The following AR variants were observed in gnomAD, a reference collection of about 807,000 sequenced individuals.
AR encodes the protein dihydrotestosterone receptor.
A neutral mutation model predicts 53.9 loss-of-function variants in AR; 8 were observed. The ratio of observed to expected loss-of-function variants is 0.15; its 90% CI spans 0.09 to 0.27. The LOEUF is 0.27. Among genes scored for constraint, AR ranks in the 10% least tolerant of loss-of-function variants. The pLI is 1.00. For synonymous variants in AR, 359 were observed against 316.4 expected (o/e 1.13, Z -1.43); for missense variants, 639 against 742.5 (o/e 0.86, Z 1.62).
At chrX:67,603,620 G>A (rs761774598) in intron 1 of AR, among the ~76,000 whole-genome samples, 167 of 111,998 alleles carry the variant, frequency 1.5e-3, no homozygotes, top group Middle Eastern at 4.6e-3. Context: ...AAGTGTAGTA[G>A]GAAACAAGTT....
At chrX:67,626,524 T>C (rs1433080914) in intron 1 of AR, among the ~76,000 whole-genome samples, 1 of 86,151 alleles carries the variant, frequency 1.2e-5, no homozygotes, top group Non-Finnish European at 2.2e-5. Flanking sequence ...CACTGCAAGC[T>C]CCGCCTCCCA....
intron 2 of AR, among the ~76,000 whole-genome samples, chrX:67,648,447 G>A (rs1926159535): frequency 9.0e-6 from 1 of 111,645 alleles, no homozygotes; most frequent in African/African-American, 3.3e-5. Flanking sequence ...GAAAAACTGT[G>A]TGTCTCATAG....
intron 1 of AR, among the ~76,000 whole-genome samples, chrX:67,627,476 T>C (rs1294766750): frequency 9.0e-6 from 1 of 111,673 alleles, no homozygotes; most frequent in Non-Finnish European, 1.9e-5. Context: ...TTTGATGGGG[T>C]CGTTTGTTTT....
intron 1 of AR, among the ~76,000 whole-genome samples, chrX:67,563,498 T>TTAG (rs772378084): frequency 1.8e-5 from 2 of 111,388 alleles, no homozygotes; most frequent in Non-Finnish European, 1.9e-5. Context: ...CCTATTATTA[T>TTAG]TAGTAGTAGT....
At chrX:67,552,388 A>G (rs945768713) in intron 1 of AR, among the ~76,000 whole-genome samples, 6 of 112,505 alleles carry the variant, frequency 5.3e-5, no homozygotes, top group African/African-American at 1.9e-4. Context: ...GTTCCACTAT[A>G]TGGATATACC....
At chrX:67,703,389 A>T (rs1329494322) in intron 3 of AR, among the ~76,000 whole-genome samples, 1 of 112,009 alleles carries the variant, frequency 8.9e-6, no homozygotes, top group African/African-American at 3.2e-5. Flanking sequence ...AGGACCTCTA[A>T]ATTGTGTGTG....
chrX:67,657,357 A>G (rs762597926), intron 2 of AR, among the ~76,000 whole-genome samples: 2 of 110,421 alleles, frequency 1.8e-5, no homozygotes, highest in Admixed American at 9.7e-5. Flanking sequence ...CTTAAGTCCT[A>G]CCTTCCTTCA....
intron 1 of AR, among the ~76,000 whole-genome samples, chrX:67,562,234 G>C (rs2044599635): frequency 9.1e-6 from 1 of 110,158 alleles, no homozygotes; most frequent in Admixed American, 9.7e-5. Context: ...AAATTGTTGA[G>C]ATTACAGGCG....
At chrX:67,618,907 G>A (rs1924241912) in intron 1 of AR, among the ~76,000 whole-genome samples, 1 of 111,443 alleles carries the variant, frequency 9.0e-6, no homozygotes, top group Non-Finnish European at 1.9e-5. Context: ...ACATGGAAAA[G>A]ATTGTGAAGG....
At chrX:67,665,434 A>G (rs2147469491) in intron 2 of AR, among the ~76,000 whole-genome samples, 1 of 112,456 alleles carries the variant, frequency 8.9e-6, no homozygotes, top group South Asian at 3.7e-4. Context: ...AGTATAGAAA[A>G]TAAAAATAGG....
intron 2 of AR, among the ~76,000 whole-genome samples, chrX:67,663,833 C>G (rs1218734241): frequency 9.0e-6 from 1 of 111,719 alleles, no homozygotes; most frequent in Non-Finnish European, 1.9e-5. Flanking sequence ...TCTTTTTATT[C>G]TTTTTCCTCT....
At position 67,567,454 on chromosome X, in the gene AR, G is replaced by A. The variant is rs756239406; in HGVS notation, c.1616+20692G>A. Among the ~76,000 whole-genome samples, 27 of 111,140 alleles carry A rather than the reference G, an allele frequency of 2.4e-4. 2 individuals are homozygous for A. Among genetic ancestry groups the A allele is most frequent in the Non-Finnish European group, 5.7e-5 (3 of 53,008 alleles). ...CTTTCCGAGAGTCCTTTAGCCAAAT[G>A]CCACACCTCCTCCTGTTTCCCTAGT... On this transcript the variant is annotated intron_variant, in intron 1 of 7. Coordinates refer to ENST00000374690, the MANE Select transcript of AR (RefSeq NM_000044.6).
At chrX:67,645,264 CA>C (rs1185285090) in intron 2 of AR, among the ~76,000 whole-genome samples, 1 of 111,634 alleles carries the variant, frequency 9.0e-6, no homozygotes, top group Non-Finnish European at 1.9e-5. Context: ...TTTCAGAAAA[CA>C]GGGGAAATGC....
At position 67,683,037 on chromosome X, in the gene AR, A is replaced by T. The variant is rs1355793419; in HGVS notation, c.1769-2973A>T. ...TTTGGTGTGTTTTATGCTTTATGTG[A>T]TCACCCACATATGCACAGATAATTC... On this transcript the variant is annotated intron_variant, in intron 2 of 7. Coordinates refer to ENST00000374690, the MANE Select transcript of AR (RefSeq NM_000044.6). Among the ~76,000 whole-genome samples, 30 of 112,016 alleles carry T rather than the reference A, an allele frequency of 2.7e-4. No homozygotes were observed. The Admixed American group carries it at 2.8e-3, about 11-fold the overall frequency.
At chrX:67,548,607 AACTT>A (rs1929867218) in intron 1 of AR, among the ~76,000 whole-genome samples, 1 of 110,852 alleles carries the variant, frequency 9.0e-6, no homozygotes, top group African/African-American at 3.3e-5. Context: ...CCTCCCCCAC[AACTT>A]ACTTACTTAA....
intron 1 of AR, among the ~76,000 whole-genome samples, chrX:67,631,432 T>C (rs1026329160): frequency 2.7e-5 from 3 of 112,367 alleles, no homozygotes; most frequent in Non-Finnish European, 5.6e-5. Flanking sequence ...TTGATCGCAT[T>C]GGCTCCTGAG....
At chrX:67,629,377 T>G (rs1490608265) in intron 1 of AR, among the ~76,000 whole-genome samples, 1 of 109,635 alleles carries the variant, frequency 9.1e-6, no homozygotes, top group Non-Finnish European at 1.9e-5. Context: ...AGGGTGTATG[T>G]GTCAAGGAAT....
intron 1 of AR, among the ~76,000 whole-genome samples, chrX:67,561,647 A>G (rs1169944670): frequency 9.0e-6 from 1 of 111,419 alleles, no homozygotes; most frequent in Non-Finnish European, 1.9e-5. Context: ...TTCAAATACC[A>G]AGGGACTATT....
At chrX:67,711,710 A>G (rs2147525431) in intron 4 of AR, 21 bp downstream of exon 4, 1 of 1,192,772 alleles carries the variant, frequency 8.4e-7, no homozygotes, top group Non-Finnish European at 1.1e-6. Flanking sequence ...GGGAAGTGGG[A>G]GCATGAGATA....
Sources: gnomAD v4.1 joint callset for allele counts (sites outside exome capture counted in the v4.1 genomes callset) on GRCh38, gnomAD v4.1.1 for gene constraint, MANE v1.5 for transcripts, NCBI Gene and HGNC (gene_info 2026-07-23, HGNC 2026-07-21) for gene names.